The following BNC2 variants were observed in gnomAD, a reference collection of about 807,000 sequenced individuals.
BNC2 encodes the protein zinc finger protein basonuclin-2.
A neutral mutation model predicts 76.3 loss-of-function variants in BNC2; 20 were observed. The observed-to-expected ratio is 0.26, with a 90% CI of 0.18 to 0.38. The LOEUF is 0.38. Among genes scored for constraint, BNC2 ranks in the 10% least tolerant of loss-of-function variants. BNC2 has a pLI of 1.00. For missense variants in BNC2, 1,382 were observed against 1,399.8 expected (o/e 0.99, Z 0.20); for synonymous variants, 582 against 514.8 (o/e 1.13, Z -1.77).
At chr9:16,788,213 A>C (rs1014449788) in intron 1 of BNC2, among the ~76,000 whole-genome samples, 1 of 152,150 alleles carries the variant, frequency 6.6e-6, no homozygotes, top group Non-Finnish European at 1.5e-5. Context: ...GTGAAAAACA[A>C]TGGGTAACCA....
chr9:16,430,613 C>T (rs978014242), intron 6 of BNC2, among the ~76,000 whole-genome samples: 6 of 152,170 alleles, frequency 3.9e-5, no homozygotes, highest in African/African-American at 1.4e-4. Context: ...TTAATGTATG[C>T]AGTGGCTCAT....
chr9:16,569,627 G>C (rs1350800898), intron 4 of BNC2, among the ~76,000 whole-genome samples: 2 of 152,198 alleles, frequency 1.3e-5, no homozygotes, highest in Non-Finnish European at 2.9e-5. Flanking sequence ...CTCCTGGCTA[G>C]TAGATTAAAC....
Position 16,700,427 on chromosome 9 carries a change from C to T in BNC2, c.330+27370G>A, listed in dbSNP as rs115250511. On this transcript the variant is annotated intron_variant, in intron 3 of 6. Coordinates refer to ENST00000380672, the MANE Select transcript of BNC2 (RefSeq NM_017637.6). ...CAGCTATTCTGGAGGCTGAGGATCA[C>T]GTGAGCCCAGGAATTGGAGGCTGCA... Among the ~76,000 whole-genome samples, 455 of 152,154 alleles carry T rather than the reference C, an allele frequency of 3.0e-3. 3 individuals are homozygous for T. Among genetic ancestry groups the T allele is most frequent in the African/African-American group, 0.011 (439 of 41,514 alleles).
chr9:16,451,881 T>C (rs1821347709), intron 5 of BNC2, among the ~76,000 whole-genome samples: 1 of 152,182 alleles, frequency 6.6e-6, no homozygotes, highest in African/African-American at 2.4e-5. Flanking sequence ...AGTTTATAAA[T>C]GCTATGAATG....
intron 5 of BNC2, among the ~76,000 whole-genome samples, chr9:16,470,548 G>A (rs1426656177): frequency 6.6e-6 from 1 of 152,176 alleles, no homozygotes; most frequent in Non-Finnish European, 1.5e-5. Flanking sequence ...TGGTTTCATG[G>A]GCTGAGCCCA....
rs774757602 is a variant in BNC2, at chr9:16,436,150, T to A, written c.2044A>T (p.Met682Leu). Residue 682 changes from methionine (M) to leucine (L), a missense_variant, in exon 6 of 7, where the codon ATG becomes TTG. Physicochemically the swap from Met to Leu is conservative, Grantham distance 15 (BLOSUM62 2). This residue lies in a region of BNC2 where 798 missense variants were observed against 775.5 expected (regional missense o/e 1.03). Transcript: ENST00000380672. Reference sequence around the variant, plus strand: ...TCCTTCACAGACATGCCTGGGCTCATCTCCTCTTGGGAGTGACAATGATTG... The same window carrying A: ...TCCTTCACAGACATGCCTGGGCTCAACTCCTCTTGGGAGTGACAATGATTG... ...HDNHCHSQEE[M>L]SPGMSVKDFS... 93 of 1,614,090 alleles carry A rather than the reference T, an allele frequency of 5.8e-5. 1 individual carries two copies. The South Asian group carries it at 9.8e-4, about 17-fold the overall frequency.
chr9:16,859,213 G>A (rs1339317145), intron 1 of BNC2, among the ~76,000 whole-genome samples: 1 of 151,840 alleles, frequency 6.6e-6, no homozygotes, highest in Non-Finnish European at 1.5e-5. Context: ...AATAAGCTGT[G>A]AGGTTGTAGA....
At chr9:16,704,374 G>C (rs890253199) in intron 3 of BNC2, among the ~76,000 whole-genome samples, 3 of 152,096 alleles carry the variant, frequency 2.0e-5, no homozygotes, top group African/African-American at 7.2e-5. Context: ...CAAATGCAAA[G>C]ACTGAAAATA....
chr9:16,714,275 G>C (rs550550393), intron 3 of BNC2, among the ~76,000 whole-genome samples: 1 of 152,126 alleles, frequency 6.6e-6, no homozygotes, highest in Non-Finnish European at 1.5e-5. Flanking sequence ...AAGCACAAAT[G>C]TTATTTTATA....
chr9:16,835,139 C>G (rs767741793), intron 1 of BNC2, among the ~76,000 whole-genome samples: 1 of 152,100 alleles, frequency 6.6e-6, no homozygotes, highest in Non-Finnish European at 1.5e-5. Context: ...AATAGAGAAA[C>G]AATTCATACA....
At chr9:16,515,422 AGCTTGGCTGGTGAAT>A (rs1302852333) in intron 5 of BNC2, among the ~76,000 whole-genome samples, 1 of 152,214 alleles carries the variant, frequency 6.6e-6, no homozygotes, top group Non-Finnish European at 1.5e-5. Flanking sequence ...GCATTAGCGG[AGCTTGGCTGGTGAAT>A]GCACCCGGCA....
chr9:16,645,059 A>G (rs1384921015), intron 3 of BNC2, among the ~76,000 whole-genome samples: 1 of 152,246 alleles, frequency 6.6e-6, no homozygotes, highest in African/African-American at 2.4e-5. Flanking sequence ...GACTGCTGTC[A>G]TAATAGTCTC....
chr9:16,583,084 G>A lies in BNC2; in HGVS notation c.332C>T (p.Ala111Val), dbSNP rs754284081. The change falls in exon 4 of 7, where the codon GCC (alanine) becomes GTC (valine). Residue 111 changes from alanine to valine, a missense_variant and splice_region_variant. By Grantham distance (64) the Ala-to-Val change is moderately conservative. This residue lies in a region of BNC2 where 557 missense variants were observed against 540.9 expected (regional missense o/e 1.03). Transcript: ENST00000380672. ...TNLLFRMSQQ[A>V]IRCTLVNCTC... is the part of the protein sequence containing the mutation. ...GCAGTTTACCAGTGTGCAACGGATG[G>A]CCTGAAAAATAAAGGAGGAAAAAAA... 6.2e-7 allele frequency: 1 copy of A among 1,613,500 alleles called. No individual in the cohort carries two copies.
chr9:16,465,166 C>T (rs1048325971), intron 5 of BNC2, among the ~76,000 whole-genome samples: 7 of 152,206 alleles, frequency 4.6e-5, no homozygotes, highest in African/African-American at 1.4e-4. Context: ...CCAGGCCTGG[C>T]GGCTCACGCC....
intron 1 of BNC2, among the ~76,000 whole-genome samples, chr9:16,753,121 G>A (rs1205955342): frequency 6.9e-6 from 1 of 145,198 alleles, no homozygotes; most frequent in African/African-American, 2.5e-5. Context: ...TTCAATGACT[G>A]TGGGACAAAC....
intron 3 of BNC2, among the ~76,000 whole-genome samples, chr9:16,584,176 T>G (rs1158942050): frequency 1.3e-5 from 2 of 152,096 alleles, no homozygotes; most frequent in African/African-American, 2.4e-5. Context: ...ATGCAATCAA[T>G]GATTACTGAT....
At chr9:16,696,950 T>G (rs1228125250) in intron 3 of BNC2, among the ~76,000 whole-genome samples, 1 of 152,220 alleles carries the variant, frequency 6.6e-6, no homozygotes, top group Admixed American at 6.5e-5. Context: ...TCTGCTGAAA[T>G]GATTCTTCTC....
At position 16,419,610 on chromosome 9, in the gene BNC2, G is replaced by T; in HGVS notation, c.2679C>A (p.Thr893=). ...ANINLHRKLL[T]KELDDMGLDS... is the part of the protein sequence containing the mutation. ...CCAGGCCCATGTCATCGAGTTCTTTGGTCAACAGTTTACGATGTAGGTTTA... is the reference window on the plus strand; with the variant it reads ...CCAGGCCCATGTCATCGAGTTCTTTTGTCAACAGTTTACGATGTAGGTTTA... Residue 893 remains threonine (T), a synonymous_variant, in exon 7 of 7, where the codon ACC becomes ACA. Transcript: ENST00000380672. The T allele has an allele frequency of 2.5e-6, 4 of 1,592,064 alleles. No individual in the cohort carries two copies. The highest frequency in any genetic ancestry group is 3.4e-6 in the Non-Finnish European group (4 of 1,168,480).
At chr9:16,531,994 C>T (rs1299963887) in intron 5 of BNC2, among the ~76,000 whole-genome samples, 5 of 151,876 alleles carry the variant, frequency 3.3e-5, no homozygotes, top group Admixed American at 2.0e-4. Flanking sequence ...CTGTTCATTT[C>T]GTTATCTCAG....
Sources: allele counts gnomAD v4.1 joint callset (sites outside exome capture counted in the v4.1 genomes callset), GRCh38; gene constraint gnomAD v4.1.1; regional missense constraint gnomAD v4.1.1; transcripts MANE v1.5; gene names NCBI Gene and HGNC (gene_info 2026-07-23, HGNC 2026-07-21).